DOCK8: variants seen among roughly 807,000 people sequenced by gnomAD.
DOCK8 encodes the protein dedicator of cytokinesis protein 8.
DOCK8 carries 141 observed loss-of-function variants against 245.6 expected under a neutral mutation model. The ratio of observed to expected loss-of-function variants is 0.57; its 90% CI spans 0.50 to 0.66. DOCK8 has a LOEUF of 0.66. DOCK8 is among the 30% of genes least tolerant of loss of function. The pLI is 0.00. For synonymous variants in DOCK8, 1,168 were observed against 970.2 expected (o/e 1.20, Z -3.79); for missense variants, 2,965 against 2,603.4 (o/e 1.14, Z -3.02).
intron 1 of DOCK8, among the ~76,000 whole-genome samples, chr9:236,174 T>C (rs865780005): frequency 1.3e-5 from 2 of 152,114 alleles, no homozygotes; most frequent in African/African-American, 4.8e-5. Flanking sequence ...CCAACCTTAG[T>C]GTGTGGCTTT....
chr9:235,652 A>G (rs1011694505), intron 1 of DOCK8, among the ~76,000 whole-genome samples: 2 of 152,104 alleles, frequency 1.3e-5, no homozygotes, highest in Non-Finnish European at 2.9e-5. Context: ...TTGATCTCAG[A>G]CTGCTGTGCC....
chr9:299,007 AT>A (rs1333018219), intron 4 of DOCK8, among the ~76,000 whole-genome samples: 1 of 151,898 alleles, frequency 6.6e-6, no homozygotes, highest in Non-Finnish European at 1.5e-5. Context: ...TTCTTTGGTA[AT>A]TTTTCCCCCT....
chr9:332,590 G>T, intron 10 of DOCK8, 112 bp downstream of exon 10: 2 of 494,156 alleles, frequency 4.0e-6, no homozygotes, highest in Non-Finnish European at 7.7e-6. Flanking sequence ...CCCTATATAA[G>T]ACACTACTAC....
intron 2 of DOCK8, among the ~76,000 whole-genome samples, chr9:284,812 G>T (rs2048742187): frequency 6.6e-6 from 1 of 152,158 alleles, no homozygotes; most frequent in South Asian, 2.1e-4. Flanking sequence ...GGAACTGGAG[G>T]CTATTATCCT....
chr9:295,304 C>G (rs1210374501), intron 4 of DOCK8, among the ~76,000 whole-genome samples: 2 of 152,128 alleles, frequency 1.3e-5, no homozygotes, highest in African/African-American at 2.4e-5. Flanking sequence ...GGGCTGACTA[C>G]AAAAGGACAC....
At chr9:391,613 A>G (rs2054195173) in intron 24 of DOCK8, among the ~76,000 whole-genome samples, 1 of 152,160 alleles carries the variant, frequency 6.6e-6, no homozygotes, top group Non-Finnish European at 1.5e-5. Flanking sequence ...ATTTTCCCAT[A>G]GAGGCACTAA....
At chr9:421,618 A>T (rs1564047025) in intron 32 of DOCK8, among the ~76,000 whole-genome samples, 1 of 152,214 alleles carries the variant, frequency 6.6e-6, no homozygotes, top group African/African-American at 2.4e-5. Context: ...AGGTACCCTC[A>T]GTCTTATTCA....
chr9:299,145 C>T (rs1203218222), intron 4 of DOCK8, among the ~76,000 whole-genome samples: 1 of 152,022 alleles, frequency 6.6e-6, no homozygotes, highest in Non-Finnish European at 1.5e-5. Flanking sequence ...GTCCCCTGAC[C>T]CCCAGCCAGG....
At chr9:446,690 G>C in intron 44 of DOCK8, 84 bp downstream of exon 44, 3 of 1,206,684 alleles carry the variant, frequency 2.5e-6, no homozygotes, top group Non-Finnish European at 3.6e-6. Flanking sequence ...TTTCACAGTG[G>C]ATTGGACTGA....
intron 26 of DOCK8, among the ~76,000 whole-genome samples, chr9:401,021 A>G (rs540658053): frequency 7.9e-6 from 1 of 127,084 alleles, no homozygotes; most frequent in South Asian, 2.6e-4. Context: ...CACCATGACC[A>G]CCTCCTTCAC....
At chr9:346,886 T>A (rs545845470) in intron 14 of DOCK8, among the ~76,000 whole-genome samples, 1 of 152,232 alleles carries the variant, frequency 6.6e-6, no homozygotes, top group South Asian at 2.1e-4. Flanking sequence ...CAGAAATAAC[T>A]GCAAACGAAG....
At chr9:342,297 CTTTTT>C (rs34071975) in intron 14 of DOCK8, among the ~76,000 whole-genome samples, 2 of 124,412 alleles carry the variant, frequency 1.6e-5, no homozygotes, top group Admixed American at 8.3e-5. Flanking sequence ...TTTCTTTTTT[CTTTTT>C]TTTTTTTTTT....
chr9:383,461 G>A (rs2053812966), intron 22 of DOCK8, among the ~76,000 whole-genome samples: 1 of 152,162 alleles, frequency 6.6e-6, no homozygotes, highest in Non-Finnish European at 1.5e-5. Flanking sequence ...CAACCCAGGA[G>A]GCAGAGGTTG....
intron 3 of DOCK8, among the ~76,000 whole-genome samples, chr9:288,327 T>C (rs2048906231): frequency 6.6e-6 from 1 of 152,120 alleles, no homozygotes; most frequent in Non-Finnish European, 1.5e-5. Flanking sequence ...TGTGATGGCG[T>C]GGTAGTGAAA....
At chr9:458,744 G>A (rs927258885) in intron 46 of DOCK8, among the ~76,000 whole-genome samples, 1 of 152,192 alleles carries the variant, frequency 6.6e-6, no homozygotes, top group African/African-American at 2.4e-5. Context: ...CCAGGAGGCA[G>A]AGGTTGCAGT....
At chr9:230,974 C>A (rs1299936422) in intron 1 of DOCK8, among the ~76,000 whole-genome samples, 2 of 151,978 alleles carry the variant, frequency 1.3e-5, no homozygotes, top group Non-Finnish European at 2.9e-5. Flanking sequence ...GAAGTCCTTG[C>A]CCATGCCTAT....
chr9:236,883 G>T (rs1309433151), intron 1 of DOCK8, among the ~76,000 whole-genome samples: 1 of 152,188 alleles, frequency 6.6e-6, no homozygotes, highest in Non-Finnish European at 1.5e-5. Context: ...ATGAAAGATT[G>T]TGCACCCAAT....
intron 28 of DOCK8, among the ~76,000 whole-genome samples, chr9:410,967 A>G (rs2055695118): frequency 6.6e-6 from 1 of 152,378 alleles, no homozygotes; most frequent in African/African-American, 2.4e-5. Context: ...CATCAAATTG[A>G]TAACCTAGAT....
At chr9:334,170 C>A (rs1234559672) in intron 10 of DOCK8, 55 bp from the exon 11 acceptor site, 3 of 1,600,844 alleles carry the variant, frequency 1.9e-6, no homozygotes, top group Non-Finnish European at 2.6e-6. Flanking sequence ...AGGTCAGAGG[C>A]AGTTGACTTG....
Sources: gnomAD v4.1 joint callset for allele counts (sites outside exome capture counted in the v4.1 genomes callset) on GRCh38, gnomAD v4.1.1 for gene constraint, MANE v1.5 for transcripts, NCBI Gene and HGNC (gene_info 2026-07-23, HGNC 2026-07-21) for gene names.